The following PTPRG variants were observed in gnomAD, a reference collection of about 807,000 sequenced individuals.
The protein encoded by PTPRG is receptor-type tyrosine-protein phosphatase gamma.
A neutral mutation model predicts 165.3 loss-of-function variants in PTPRG; 102 were observed. The ratio of observed to expected loss-of-function variants is 0.62; its 90% CI spans 0.53 to 0.73. The LOEUF (loss-of-function observed/expected upper bound fraction) is 0.73, where lower values mean the gene tolerates loss of function less well. PTPRG is among the 30% of genes least tolerant of loss of function. The pLI is 0.00. For synonymous variants in PTPRG, 675 were observed against 669.5 expected (o/e 1.01, Z -0.13); for missense variants, 1,866 against 1,861.4 (o/e 1.00, Z -0.05).
intron 1 of PTPRG, among the ~76,000 whole-genome samples, chr3:61,634,768 G>A (rs1701861581): frequency 6.6e-6 from 1 of 152,062 alleles, no homozygotes; most frequent in African/African-American, 2.4e-5. Flanking sequence ...TATCCTCTGG[G>A]AACAACTGTA....
At chr3:61,966,226 T>C (rs2040269432) in intron 2 of PTPRG, among the ~76,000 whole-genome samples, 1 of 152,216 alleles carries the variant, frequency 6.6e-6, no homozygotes, top group Non-Finnish European at 1.5e-5. Flanking sequence ...AAATTTTTGA[T>C]GCTGTGGAAT....
At chr3:61,679,759 C>T (rs549944969) in intron 1 of PTPRG, among the ~76,000 whole-genome samples, 12 of 151,966 alleles carry the variant, frequency 7.9e-5, no homozygotes, top group African/African-American at 2.7e-4. Context: ...GCAGCCTGGG[C>T]GACGAGCGAA....
intron 7 of PTPRG, among the ~76,000 whole-genome samples, chr3:62,164,096 A>G (rs1559589234): frequency 6.6e-6 from 1 of 152,182 alleles, no homozygotes; most frequent in East Asian, 1.9e-4. Context: ...TACGGACCAA[A>G]CATCGGACCG....
intron 4 of PTPRG, among the ~76,000 whole-genome samples, chr3:62,023,681 G>A (rs1451802620): frequency 1.3e-5 from 2 of 152,134 alleles, no homozygotes; most frequent in African/African-American, 2.4e-5. Context: ...TTACGGATAT[G>A]GAAACCTAGG....
chr3:62,104,887 T>C (rs1344853757), intron 5 of PTPRG, among the ~76,000 whole-genome samples: 1 of 152,224 alleles, frequency 6.6e-6, no homozygotes, highest in Admixed American at 6.5e-5. Flanking sequence ...TCTAGAACTA[T>C]TGCATTGAAA....
At chr3:62,107,311 T>A (rs1314137186) in intron 5 of PTPRG, among the ~76,000 whole-genome samples, 1 of 152,216 alleles carries the variant, frequency 6.6e-6, no homozygotes, top group East Asian at 1.9e-4. Flanking sequence ...ACCTCCTAAT[T>A]TGAGATTTTT....
intron 1 of PTPRG, among the ~76,000 whole-genome samples, chr3:61,661,546 C>G (rs1445656240): frequency 6.6e-6 from 1 of 152,058 alleles, no homozygotes; most frequent in Non-Finnish European, 1.5e-5. Context: ...TGTACCTACG[C>G]TGAGCCATTT....
intron 4 of PTPRG, among the ~76,000 whole-genome samples, chr3:62,039,540 G>A (rs2079266): frequency 0.37 from 56,187 of 151,932 alleles, 11,027 homozygotes; most frequent in African/African-American, 0.47. Flanking sequence ...CTCAAGGCCA[G>A]TCATGGGCTT....
intron 2 of PTPRG, among the ~76,000 whole-genome samples, chr3:61,831,404 T>C (rs1204341571): frequency 6.6e-6 from 1 of 152,264 alleles, no homozygotes; most frequent in African/African-American, 2.4e-5. Flanking sequence ...TTTTTACTTA[T>C]AAATATACCA....
intron 2 of PTPRG, among the ~76,000 whole-genome samples, chr3:61,782,201 G>A (rs1208889644): frequency 6.6e-6 from 1 of 152,168 alleles, no homozygotes; most frequent in African/African-American, 2.4e-5. Context: ...CAAGGGGCAA[G>A]GTACTTTATA....
chr3:61,982,171 G>A (rs2040656951), intron 2 of PTPRG, among the ~76,000 whole-genome samples: 1 of 152,146 alleles, frequency 6.6e-6, no homozygotes, highest in Admixed American at 6.5e-5. Context: ...CTTTAAGGTT[G>A]AAAACTTCAG....
At chr3:61,594,147 G>C (rs1700638979) in intron 1 of PTPRG, among the ~76,000 whole-genome samples, 1 of 152,130 alleles carries the variant, frequency 6.6e-6, no homozygotes, top group South Asian at 2.1e-4. Flanking sequence ...TGAATGTTTG[G>C]ATTGAGTGAA....
rs199993222 is a variant in PTPRG, at chr3:62,047,461, CA to C, written c.520-30701del. Among the ~76,000 whole-genome samples, 822 of 152,144 alleles carry C rather than the reference CA, an allele frequency of 5.4e-3. 4 individuals are homozygous for C. The highest frequency in any genetic ancestry group is 0.019 in the African/African-American group (773 of 41,508). On this transcript the variant is annotated intron_variant, in intron 4 of 29. Coordinates refer to ENST00000474889, the MANE Select transcript of PTPRG (RefSeq NM_002841.4). ...ATTTTTAGTAGAGATGGGGTTTCGC[CA>C]TGTTGGCCAGGTTAGTGTCGATCTC...
chr3:61,728,319 C>T (rs901613546), intron 1 of PTPRG, among the ~76,000 whole-genome samples: 5 of 152,124 alleles, frequency 3.3e-5, no homozygotes, highest in Admixed American at 3.3e-4. Context: ...TGGTGGTGCA[C>T]ATTTGTGATC....
chr3:61,945,414 G>T (rs2039732286), intron 2 of PTPRG, among the ~76,000 whole-genome samples: 1 of 151,798 alleles, frequency 6.6e-6, no homozygotes, highest in Non-Finnish European at 1.5e-5. Context: ...ACAAAATTAG[G>T]TGGGCGTGAT....
At chr3:62,124,392 A>G in intron 5 of PTPRG, 1 of 1,613,746 alleles carries the variant, frequency 6.2e-7, no homozygotes, top group South Asian at 1.1e-5. Flanking sequence ...TGCAGGTCCA[A>G]GATGTAGTCG....
chr3:62,055,067 C>T (rs1447319537), intron 4 of PTPRG, among the ~76,000 whole-genome samples: 5 of 152,118 alleles, frequency 3.3e-5, no homozygotes, highest in Non-Finnish European at 5.9e-5. Flanking sequence ...CTCAAGTTTT[C>T]CTGCTTCTGG....
At chr3:61,576,780 A>G (rs902955886) in intron 1 of PTPRG, among the ~76,000 whole-genome samples, 4 of 152,120 alleles carry the variant, frequency 2.6e-5, no homozygotes, top group African/African-American at 7.2e-5. Context: ...TTGAACTTAT[A>G]TTTGACTCAC....
chr3:62,077,496 T>G (rs1398138334), intron 4 of PTPRG, among the ~76,000 whole-genome samples: 1 of 152,102 alleles, frequency 6.6e-6, no homozygotes, highest in Non-Finnish European at 1.5e-5. Flanking sequence ...AAAAATAATG[T>G]GTGGGTTAGC....
Sources: gnomAD v4.1 joint callset for allele counts (sites outside exome capture counted in the v4.1 genomes callset) on GRCh38, gnomAD v4.1.1 for gene constraint, MANE v1.5 for transcripts, NCBI Gene and HGNC (gene_info 2026-07-23, HGNC 2026-07-21) for gene names.